DNMT3B: variants seen among roughly 807,000 people sequenced by gnomAD.
DNMT3B encodes DNA methyltransferase 3 beta, also known as DNA (cytosine-5)-methyltransferase 3B.
Under a neutral mutation model 120.2 loss-of-function variants are expected in DNMT3B, and 37 were observed. The observed-to-expected ratio is 0.31, with a 90% CI of 0.24 to 0.40. The LOEUF is 0.40. DNMT3B is among the 10% of genes least tolerant of loss of function. DNMT3B has a pLI of 1.00. For missense variants in DNMT3B, 878 were observed against 1,137.3 expected, an observed-to-expected ratio of 0.77 and a Z score of 3.28; for synonymous variants, 412 against 442.8, an observed-to-expected ratio of 0.93 and a Z score of 0.87.
intron 3 of DNMT3B, among the ~76,000 whole-genome samples, chr20:32,782,262 T>C (rs1978714801): frequency 6.6e-6 from 1 of 152,246 alleles, no homozygotes; most frequent in Non-Finnish European, 1.5e-5. Context: ...AGCAGTGCTT[T>C]GTGCCAGGGA....
chr20:32,791,148 T>C (rs1979929538), intron 7 of DNMT3B, among the ~76,000 whole-genome samples: 1 of 152,210 alleles, frequency 6.6e-6, no homozygotes. Context: ...TCTAAACACA[T>C]TCATTAGGTG....
Position 32,775,438 on chromosome 20 carries a change from GC to G in DNMT3B, c.-6-4878del, listed in dbSNP as rs377327367. Among the ~76,000 whole-genome samples, 88 of 152,336 alleles carry G rather than the reference GC, an allele frequency of 5.8e-4. 1 individual carries two copies. Among genetic ancestry groups the G allele is most frequent in the African/African-American group, 2.1e-3 (86 of 41,588 alleles). On this transcript the variant is annotated intron_variant, in intron 1 of 22. Transcript: ENST00000328111. ...CTGCTGGGTTGGGGCGAGTCCCTGA[GC>G]CTCCTCTGAGTCTAATTGGGGGTTG...
chr20:32,786,913 C>G (rs1979357555), intron 5 of DNMT3B, among the ~76,000 whole-genome samples: 1 of 152,230 alleles, frequency 6.6e-6, no homozygotes. Flanking sequence ...ACATCCAGAA[C>G]TGTCTTCTCC....
rs759038669 is a variant in DNMT3B, at chr20:32,762,511, G to T, written c.-195G>T. 1 of 285,016 alleles carries T rather than the reference G, an allele frequency of 3.5e-6. No homozygotes were observed. The highest frequency in any genetic ancestry group is 7.3e-6 in the Non-Finnish European group (1 of 137,476). The allele number at this position is 285,016 out of a possible 1,614,324, so 17.7% of individuals were successfully genotyped here. A position where few individuals can be genotyped will look rare whatever the true frequency, so the allele number is the denominator to read the frequency against. On this transcript the variant is annotated 5_prime_UTR_variant, in exon 1 of 23. Transcript: ENST00000328111. ...GGACGGGACCGGCTCCCTGGCGGTCGGGCGAGCGGGCGGCAACGCTGCCCG... is the reference window on the plus strand; with the variant it reads ...GGACGGGACCGGCTCCCTGGCGGTCTGGCGAGCGGGCGGCAACGCTGCCCG...
chr20:32,770,340 A>G (rs1369820509), intron 1 of DNMT3B, among the ~76,000 whole-genome samples: 1 of 151,670 alleles, frequency 6.6e-6, no homozygotes. Flanking sequence ...CTAGGCTGGA[A>G]TGCAATGGTG....
At chr20:32,797,907 G>A (rs1351267371) in intron 14 of DNMT3B, among the ~76,000 whole-genome samples, 1 of 152,136 alleles carries the variant, frequency 6.6e-6, no homozygotes, top group East Asian at 1.9e-4. Flanking sequence ...TGATCCACCT[G>A]CCCCAGCCTC....
chr20:32,792,852 C>T (rs1980147653), intron 9 of DNMT3B, 82 bp downstream of exon 9: 1 of 1,580,300 alleles, frequency 6.3e-7, no homozygotes, highest in Non-Finnish European at 8.6e-7. Context: ...CCCTGCTGCC[C>T]CACACCCCAC....
chr20:32,806,408 T>G (rs976857303), intron 22 of DNMT3B, 81 bp downstream of exon 22: 1 of 1,282,874 alleles, frequency 7.8e-7, no homozygotes, highest in African/African-American at 1.5e-5. Context: ...CTTACCTTCA[T>G]TCTTGATGGC....
chr20:32,784,609 G>A, intron 3 of DNMT3B, 149 bp from the exon 4 acceptor site: 2 of 825,200 alleles, frequency 2.4e-6, no homozygotes, highest in Non-Finnish European at 4.0e-6. Flanking sequence ...GTTGGTCTGT[G>A]TCTGCACCCA....
At chr20:32,766,205 G>A (rs901440961) in intron 1 of DNMT3B, among the ~76,000 whole-genome samples, 2 of 152,086 alleles carry the variant, frequency 1.3e-5, no homozygotes, top group South Asian at 2.1e-4. Context: ...GTAGCCAGGC[G>A]TGTTTGTGCA....
intron 17 of DNMT3B, 62 bp downstream of exon 17, chr20:32,800,360 AC>A: frequency 1.5e-5 from 24 of 1,609,320 alleles, no homozygotes; most frequent in Non-Finnish European, 2.0e-5. Context: ...AGTCCTCCAC[AC>A]CCTGAAACCC....
chr20:32,798,346 G>A (rs1039898434), intron 14 of DNMT3B, 114 bp from the exon 15 acceptor site: 36 of 1,381,682 alleles, frequency 2.6e-5, no homozygotes, highest in South Asian at 3.7e-5. Flanking sequence ...TTAAGCAGCC[G>A]ATCCTAGGTA....
In DNMT3B at chr20:32,791,658, A is replaced by G. The variant is rs1330365498; in HGVS notation, c.871A>G (p.Thr291Ala). The part of the protein sequence containing the change: ...GLFSQHFNLA[T>A]FNKLVSYRKA... Reference sequence around the variant, plus strand: ...GTTCAGCCAGCACTTTAATTTGGCCACCTTCAATAAGCTCGTCTCCTATCG... The same window carrying G: ...GTTCAGCCAGCACTTTAATTTGGCCGCCTTCAATAAGCTCGTCTCCTATCG... Residue 291 changes from threonine (T) to alanine (A), a missense_variant, in exon 8 of 23, where the codon ACC (threonine) becomes GCC (alanine). Physicochemically the swap from Thr to Ala is moderately conservative, Grantham distance 58. Coordinates refer to ENST00000328111, the MANE Select transcript of DNMT3B (RefSeq NM_006892.4). 1.5e-5 allele frequency: 24 copies of G among 1,614,170 alleles called. No individual in the cohort carries two copies. Among genetic ancestry groups the G allele is most frequent in the Non-Finnish European group, 2.0e-5 (24 of 1,180,004 alleles).
chr20:32,799,132 G>C, intron 15 of DNMT3B, 112 bp from the exon 16 acceptor site: 1 of 1,199,066 alleles, frequency 8.3e-7, no homozygotes, highest in South Asian at 1.3e-5. Flanking sequence ...GCTTTTTGCA[G>C]TGGCTACGGC....
intron 18 of DNMT3B, 104 bp downstream of exon 18, chr20:32,801,029 C>T (rs552336838): frequency 7.1e-7 from 1 of 1,418,312 alleles, no homozygotes; most frequent in South Asian, 1.1e-5. Context: ...GGCCAAGTTA[C>T]TGGCAGCATC....
intron 1 of DNMT3B, among the ~76,000 whole-genome samples, chr20:32,764,608 G>A (rs1987189819): frequency 6.6e-6 from 1 of 152,152 alleles, no homozygotes; most frequent in South Asian, 2.1e-4. Context: ...TCTTGGTTTT[G>A]TTTTATAAGG....
intron 9 of DNMT3B, 46 bp downstream of exon 9, chr20:32,792,816 G>A: frequency 1.2e-6 from 2 of 1,612,556 alleles, no homozygotes; most frequent in Non-Finnish European, 1.7e-6. Context: ...CTGCTGGTGG[G>A]ACCACTTCTT....
intron 10 of DNMT3B, among the ~76,000 whole-genome samples, chr20:32,794,137 T>C (rs1980322168): frequency 6.6e-6 from 1 of 151,850 alleles, no homozygotes; most frequent in South Asian, 2.1e-4. Flanking sequence ...GGTGGGCAGA[T>C]TGCTTGAGCT....
intron 10 of DNMT3B, among the ~76,000 whole-genome samples, chr20:32,794,621 C>T (rs1446826680): frequency 2.6e-5 from 4 of 151,448 alleles, no homozygotes; most frequent in Non-Finnish European, 5.9e-5. Context: ...CCAAGATCCA[C>T]GTCATTGCCC....
Sources: allele counts gnomAD v4.1 joint callset (sites outside exome capture counted in the v4.1 genomes callset), GRCh38; gene constraint gnomAD v4.1.1; transcripts MANE v1.5; gene names NCBI Gene and HGNC (gene_info 2026-07-23, HGNC 2026-07-21).